The following SLCO3A1 variants were observed in gnomAD, a reference collection of about 807,000 sequenced individuals.
The protein encoded by SLCO3A1 is solute carrier organic anion transporter family member 3A1.
A neutral mutation model predicts 63.1 loss-of-function variants in SLCO3A1; 27 were observed. The ratio of observed to expected loss-of-function variants is 0.43; its 90% confidence interval spans 0.32 to 0.59. The LOEUF is 0.59. Among genes scored for constraint, SLCO3A1 ranks in the 20% least tolerant of loss-of-function variants. The probability of loss-of-function intolerance (pLI) is 0.09; values close to 1 mark genes in which losing one functional copy is unlikely to be tolerated. For synonymous variants in SLCO3A1, 473 were observed against 409.9 expected (o/e 1.15, Z -1.86); for missense variants, 773 against 945.8 (o/e 0.82, Z 2.40).
intron 1 of SLCO3A1, among the ~76,000 whole-genome samples, chr15:91,892,214 G>A (rs1897888311): frequency 6.6e-6 from 1 of 152,206 alleles, no homozygotes; most frequent in Non-Finnish European, 1.5e-5. Context: ...TTAAGAAGAT[G>A]ATGGTTCTTG....
At chr15:91,922,315 C>T (rs983764061) in intron 2 of SLCO3A1, among the ~76,000 whole-genome samples, 3 of 152,256 alleles carry the variant, frequency 2.0e-5, no homozygotes. Flanking sequence ...TTGCTGTTTG[C>T]CTGAATACAC....
intron 2 of SLCO3A1, among the ~76,000 whole-genome samples, chr15:92,035,019 C>T (rs2046706438): frequency 6.6e-6 from 1 of 151,804 alleles, no homozygotes. Flanking sequence ...ATGGCTTGTC[C>T]AAGGTCATAG....
chr15:92,155,882 T>C (rs921576082), intron 9 of SLCO3A1, among the ~76,000 whole-genome samples: 2 of 152,152 alleles, frequency 1.3e-5, no homozygotes, highest in African/African-American at 2.4e-5. Context: ...TCATTAGGGA[T>C]GAGCTTAGCT....
chr15:91,915,583 C>G (rs1227301228), intron 1 of SLCO3A1, among the ~76,000 whole-genome samples: 1 of 152,144 alleles, frequency 6.6e-6, no homozygotes, highest in Non-Finnish European at 1.5e-5. Flanking sequence ...CTCTGTCTTC[C>G]TGGCATGGAC....
chr15:92,066,796 T>C (rs977989264), intron 2 of SLCO3A1, among the ~76,000 whole-genome samples: 3 of 152,228 alleles, frequency 2.0e-5, no homozygotes, highest in Admixed American at 2.0e-4. Flanking sequence ...CCATCACTGC[T>C]GCCCTCTCTA....
In SLCO3A1 at chr15:92,126,837, G is replaced by A. The variant is rs112618571; in HGVS notation, c.1373+578G>A. 1.4e-3 allele frequency among the ~76,000 whole-genome samples: 211 copies of A among 152,316 alleles called. 2 individuals carry two copies. Among genetic ancestry groups the A allele is most frequent in the African/African-American group, 4.6e-3 (192 of 41,586 alleles). ...AATTGCCCTTAGAGGGAATTATGGG[G>A]AGTCTTCAGCTATCCAGTATCAATA... On this transcript the variant is annotated intron_variant, in intron 6 of 9. Transcript: ENST00000318445.
At chr15:92,076,670 C>T (rs1020171363) in intron 2 of SLCO3A1, among the ~76,000 whole-genome samples, 1 of 152,166 alleles carries the variant, frequency 6.6e-6, no homozygotes, top group Non-Finnish European at 1.5e-5. Context: ...ACACCAGCAC[C>T]GTACACCAGC....
rs897970670 is a variant in SLCO3A1 at position 91,936,067 on chromosome 15, C to G, written c.646+19609C>G. Among the ~76,000 whole-genome samples, 9 of 152,266 alleles carry G rather than the reference C, an allele frequency of 5.9e-5. No homozygotes were observed. In the East Asian group the frequency reaches 1.7e-3, roughly 30 times the overall value. On this transcript the variant is annotated intron_variant, in intron 2 of 9. Coordinates refer to ENST00000318445, the MANE Select transcript of SLCO3A1 (RefSeq NM_013272.4). ...TGGAGCCAGATGGTCAAGGTTTGCT[C>G]CTAACCCTGACTAGCTCTGTAGCTT...
chr15:91,909,611 G>A (rs1406935254), intron 1 of SLCO3A1, among the ~76,000 whole-genome samples: 2 of 152,148 alleles, frequency 1.3e-5, no homozygotes, highest in Non-Finnish European at 2.9e-5. Context: ...TCCCCAGGAA[G>A]AGCCTGCTCA....
intron 2 of SLCO3A1, among the ~76,000 whole-genome samples, chr15:91,917,199 C>G (rs1276102609): frequency 6.6e-6 from 1 of 152,094 alleles, no homozygotes; most frequent in Non-Finnish European, 1.5e-5. Context: ...CATCTCTATC[C>G]CTTGTTTACA....
rs888987033 is a variant in SLCO3A1, at chr15:91,882,068, A to T, written c.180+27980A>T. 6.6e-6 allele frequency among the ~76,000 whole-genome samples: 1 copy of T among 152,170 alleles called. No individual in the cohort carries two copies. Among genetic ancestry groups the T allele is most frequent in the African/African-American group, 2.4e-5 (1 of 41,438 alleles). On this transcript the variant is annotated intron_variant, in intron 1 of 9. Coordinates refer to ENST00000318445, the MANE Select transcript of SLCO3A1 (RefSeq NM_013272.4). The surrounding 1 kb of genome is among the most constrained non-coding windows in gnomAD (Gnocchi z 4.4). ...TGAGACCAATGTTATATGGAGGTGG[A>T]ATATTACTCAAGGACATCCCCTTAG...
chr15:92,054,388 TTAGTC>T (rs1246244534), intron 2 of SLCO3A1, among the ~76,000 whole-genome samples: 1 of 152,220 alleles, frequency 6.6e-6, no homozygotes, highest in Non-Finnish European at 1.5e-5. Context: ...CAGTGAATCT[TTAGTC>T]AAGCAAAAAA....
chr15:92,037,387 A>G (rs1392692704), intron 2 of SLCO3A1, among the ~76,000 whole-genome samples: 1 of 152,176 alleles, frequency 6.6e-6, no homozygotes, highest in African/African-American at 2.4e-5. Flanking sequence ...TATTTCAAAG[A>G]AATGGTCAAG....
rs1900104408 is a variant in SLCO3A1, at chr15:91,954,520, T to G, written c.646+38062T>G. 6.6e-6 allele frequency among the ~76,000 whole-genome samples: 1 copy of G among 152,146 alleles called. No individual in the cohort carries two copies. The highest frequency in any genetic ancestry group is 2.4e-5 in the African/African-American group (1 of 41,436). On this transcript the variant is annotated intron_variant, in intron 2 of 9. Coordinates refer to ENST00000318445, the MANE Select transcript of SLCO3A1 (RefSeq NM_013272.4). The surrounding 1 kb of genome is among the most constrained non-coding windows in gnomAD (Gnocchi z 4.7). ...GGGAGAGGGCTGTGTGGGAGAGTGA[T>G]GAACAGCCTACCTGGTCAGGTGCCC...
At chr15:92,077,246 C>A (rs759974380) in intron 2 of SLCO3A1, among the ~76,000 whole-genome samples, 12 of 152,094 alleles carry the variant, frequency 7.9e-5, no homozygotes, top group Non-Finnish European at 1.3e-4. Context: ...GGGGACACAG[C>A]GAAACCATAT....
At chr15:92,024,758 G>C (rs1052993055) in intron 2 of SLCO3A1, among the ~76,000 whole-genome samples, 1 of 152,184 alleles carries the variant, frequency 6.6e-6, no homozygotes, top group African/African-American at 2.4e-5. Flanking sequence ...TACAAAAGTA[G>C]GCCACGGAAA....
In SLCO3A1 at chr15:91,856,289, A is replaced by G. The variant is rs772976414; in HGVS notation, c.180+2201A>G. Among the ~76,000 whole-genome samples the G allele has an allele frequency of 1.3e-5, 2 of 152,154 alleles. No individual in the cohort carries two copies. Among genetic ancestry groups the G allele is most frequent in the Non-Finnish European group, 2.9e-5 (2 of 68,034 alleles). ...TGGAGGCCCAGGAGAGGACAGGCCT[A>G]GGAAATTGAATTCATTTTGATTACT... On this transcript the variant is annotated intron_variant, in intron 1 of 9. Coordinates refer to ENST00000318445, the MANE Select transcript of SLCO3A1 (RefSeq NM_013272.4). This position sits in a 1 kb window ranked among gnomAD's most constrained non-coding sequence, Gnocchi z 4.9.
chr15:92,044,882 G>C (rs988794423), intron 2 of SLCO3A1, among the ~76,000 whole-genome samples: 1 of 152,118 alleles, frequency 6.6e-6, no homozygotes, highest in Non-Finnish European at 1.5e-5. Context: ...CGCAACACCT[G>C]CTCTGTGGTT....
At chr15:92,135,180 T>C (rs2048041789) in intron 7 of SLCO3A1, among the ~76,000 whole-genome samples, 1 of 152,082 alleles carries the variant, frequency 6.6e-6, no homozygotes, top group Admixed American at 6.6e-5. Flanking sequence ...GAGGGAGAGA[T>C]GGAGGGGCCC....
Sources: gnomAD v4.1 joint callset for allele counts (sites outside exome capture counted in the v4.1 genomes callset) on GRCh38, gnomAD v4.1.1 for gene constraint, Gnocchi (gnomAD v3.1) non-coding constraint, MANE v1.5 for transcripts, NCBI Gene and HGNC (gene_info 2026-07-23, HGNC 2026-07-21) for gene names.